Variants in PCDH7 observed in about 807,000 individuals in gnomAD.
The protein encoded by PCDH7 is protocadherin 7.
A neutral mutation model predicts 58.9 loss-of-function variants in PCDH7; 17 were observed. The ratio of observed to expected loss-of-function variants is 0.29; its 90% CI spans 0.20 to 0.43. The LOEUF is 0.43. PCDH7 is among the 20% of genes least tolerant of loss of function. The probability of loss-of-function intolerance (pLI) is 1.00; values close to 1 mark genes in which losing one functional copy is unlikely to be tolerated. For synonymous variants in PCDH7, 664 were observed against 616.4 expected, an observed-to-expected ratio of 1.08 and a Z score of -1.14; for missense variants, 1,274 against 1,441.0, an observed-to-expected ratio of 0.88 and a Z score of 1.88.
intron 1 of PCDH7, among the ~76,000 whole-genome samples, chr4:30,746,681 T>G (rs1199204490): frequency 1.3e-5 from 2 of 152,230 alleles, no homozygotes; most frequent in Admixed American, 6.5e-5. Context: ...ATATTTCCAC[T>G]GGTAAATATT....
At chr4:30,865,022 A>G (rs558845705) in intron 1 of PCDH7, among the ~76,000 whole-genome samples, 8 of 152,190 alleles carry the variant, frequency 5.3e-5, no homozygotes, top group African/African-American at 4.8e-5. Flanking sequence ...GATTAAGATG[A>G]AGCATATGAG....
intron 3 of PCDH7, among the ~76,000 whole-genome samples, chr4:31,114,243 A>G (rs1343725075): frequency 6.6e-6 from 1 of 152,208 alleles, no homozygotes; most frequent in South Asian, 2.1e-4. Flanking sequence ...GTAATTACAC[A>G]TATACTACTT....
intron 1 of PCDH7, among the ~76,000 whole-genome samples, chr4:30,894,852 C>A (rs562905953): frequency 6.6e-6 from 1 of 151,072 alleles, no homozygotes; most frequent in South Asian, 2.1e-4. Flanking sequence ...AAATCAGATT[C>A]ATTCTCTATA....
chr4:30,745,987 G>A (rs1427433782), intron 1 of PCDH7, among the ~76,000 whole-genome samples: 1 of 152,044 alleles, frequency 6.6e-6, no homozygotes, highest in African/African-American at 2.4e-5. Context: ...TTACAGGCAT[G>A]CACCACCACA....
At chr4:30,782,457 T>C (rs1213634833) in intron 1 of PCDH7, among the ~76,000 whole-genome samples, 2 of 152,208 alleles carry the variant, frequency 1.3e-5, no homozygotes, top group Admixed American at 1.3e-4. Flanking sequence ...TTACAAGGAC[T>C]TTTTGAGGTT....
At chr4:31,000,816 G>A (rs1167334849) in intron 3 of PCDH7, among the ~76,000 whole-genome samples, 4 of 151,954 alleles carry the variant, frequency 2.6e-5, no homozygotes, top group African/African-American at 7.2e-5. Flanking sequence ...AACCTAAATG[G>A]TGGCTCTTAC....
chr4:30,943,780 C>T (rs190990479), intron 2 of PCDH7, among the ~76,000 whole-genome samples: 1 of 151,068 alleles, frequency 6.6e-6, no homozygotes, highest in Admixed American at 6.6e-5. Context: ...TTATGTGTGG[C>T]CCAAGACAAT....
At chr4:30,888,277 AAC>A (rs58655197) in intron 1 of PCDH7, among the ~76,000 whole-genome samples, 11 of 151,846 alleles carry the variant, frequency 7.2e-5, no homozygotes, top group Non-Finnish European at 2.9e-5. Context: ...AGTCTTATGA[AAC>A]ACACACACAC....
intron 1 of PCDH7, among the ~76,000 whole-genome samples, chr4:30,824,128 TTTCTTTC>T (rs1728779355): frequency 6.8e-6 from 1 of 148,006 alleles, no homozygotes; most frequent in African/African-American, 2.5e-5. Flanking sequence ...TCTTTCTTTC[TTTCTTTC>T]TTTCTTTCTT....
At chr4:30,970,706 C>T (rs1035053045) in intron 3 of PCDH7, among the ~76,000 whole-genome samples, 1 of 152,034 alleles carries the variant, frequency 6.6e-6, no homozygotes, top group Non-Finnish European at 1.5e-5. Context: ...TCTAAGCAAT[C>T]AACACTCTTT....
chr4:30,881,859 C>G (rs1737013272), intron 1 of PCDH7, among the ~76,000 whole-genome samples: 1 of 152,076 alleles, frequency 6.6e-6, no homozygotes. Context: ...ATTCCTTAAT[C>G]TGAAGTATTT....
chr4:30,960,248 G>T (rs1366321426), intron 3 of PCDH7, among the ~76,000 whole-genome samples: 3 of 151,932 alleles, frequency 2.0e-5, no homozygotes, highest in Non-Finnish European at 2.9e-5. Flanking sequence ...TCCAAGTAGG[G>T]AGCATGGATA....
chr4:30,800,085 C>T (rs1030692612), intron 1 of PCDH7, among the ~76,000 whole-genome samples: 8 of 151,772 alleles, frequency 5.3e-5, no homozygotes, highest in African/African-American at 1.9e-4. Flanking sequence ...GTCTCGAACT[C>T]CTGACCTCAT....
At chr4:30,973,543 G>T (rs895565008) in intron 3 of PCDH7, among the ~76,000 whole-genome samples, 4 of 152,044 alleles carry the variant, frequency 2.6e-5, no homozygotes, top group African/African-American at 9.7e-5. Context: ...GTGAGGAAGG[G>T]GACAAAAGCC....
chr4:30,946,166 C>A (rs1746649267), intron 2 of PCDH7, among the ~76,000 whole-genome samples: 1 of 152,128 alleles, frequency 6.6e-6, no homozygotes, highest in Admixed American at 6.5e-5. Flanking sequence ...ACAGACCTTA[C>A]TGATAGGATA....
intron 1 of PCDH7, among the ~76,000 whole-genome samples, chr4:30,895,081 CTTTT>C (rs57967671): frequency 6.6e-6 from 1 of 151,090 alleles, no homozygotes; most frequent in Non-Finnish European, 1.5e-5. Flanking sequence ...AAATGAATAT[CTTTT>C]TTTATTTATT....
intron 1 of PCDH7, among the ~76,000 whole-genome samples, chr4:30,803,488 G>GGTGCAGT (rs1202761041): frequency 2.6e-5 from 4 of 151,724 alleles, no homozygotes; most frequent in African/African-American, 7.3e-5. Flanking sequence ...CCTAAGCAGG[G>GGTGCAGT]GTGCAGTGGC....
At chr4:30,968,351 T>TATATAC (rs1560541407) in intron 3 of PCDH7, among the ~76,000 whole-genome samples, 15 of 74,016 alleles carry the variant, frequency 2.0e-4, no homozygotes, top group African/African-American at 8.0e-4. Flanking sequence ...TATATATATA[T>TATATAC]ACACACACTA....
chr4:31,001,563 A>G (rs1752369277), intron 3 of PCDH7, among the ~76,000 whole-genome samples: 1 of 152,102 alleles, frequency 6.6e-6, no homozygotes, highest in South Asian at 2.1e-4. Context: ...ACACGTACAT[A>G]CATTCAAATA....
Sources: allele counts gnomAD v4.1 joint callset (sites outside exome capture counted in the v4.1 genomes callset), GRCh38; gene constraint gnomAD v4.1.1; transcripts MANE v1.5; gene names NCBI Gene and HGNC (gene_info 2026-07-23, HGNC 2026-07-21).